ROBO2: variants seen among roughly 807,000 people sequenced by gnomAD.
ROBO2 encodes the protein roundabout guidance receptor 2, also known as roundabout homolog 2.
A neutral mutation model predicts 160.8 loss-of-function variants in ROBO2; 53 were observed. That is an observed-to-expected ratio of 0.33 (90% CI 0.26 to 0.41). The LOEUF (loss-of-function observed/expected upper bound fraction) is 0.41. ROBO2 is among the 10% of genes least tolerant of loss of function. The pLI is 1.00. For synonymous variants in ROBO2, 664 were observed against 611.7 expected, an observed-to-expected ratio of 1.09 and a Z score of -1.26; for missense variants, 1,577 against 1,722.4, an observed-to-expected ratio of 0.92 and a Z score of 1.49.
chr3:76,837,780 G>A (rs139921025), intron 2 of ROBO2, among the ~76,000 whole-genome samples: 42 of 151,920 alleles, frequency 2.8e-4, no homozygotes, highest in Admixed American at 5.9e-4. Context: ...ATGAAATTCA[G>A]GATACGTAAC....
intron 2 of ROBO2, among the ~76,000 whole-genome samples, chr3:77,419,530 C>A (rs1397082905): frequency 6.6e-6 from 1 of 152,058 alleles, no homozygotes; most frequent in Admixed American, 6.6e-5. Flanking sequence ...AATGATAGTG[C>A]AATGACAGAG....
chr3:76,247,444 AT>A (rs1705687991), intron 2 of ROBO2, among the ~76,000 whole-genome samples: 1 of 152,104 alleles, frequency 6.6e-6, no homozygotes, highest in South Asian at 2.1e-4. Flanking sequence ...TATATTCAAA[AT>A]TTTAACATTA....
At chr3:76,273,260 C>T (rs2107642144) in intron 2 of ROBO2, among the ~76,000 whole-genome samples, 1 of 149,090 alleles carries the variant, frequency 6.7e-6, no homozygotes, top group Non-Finnish European at 1.5e-5. Context: ...GTCTGACATT[C>T]CACAGATGTA....
At chr3:76,044,647 T>A (rs2067390273) in intron 2 of ROBO2, among the ~76,000 whole-genome samples, 1 of 151,980 alleles carries the variant, frequency 6.6e-6, no homozygotes, top group Non-Finnish European at 1.5e-5. Flanking sequence ...TGACCAAAAA[T>A]GACAGGTGTT....
intron 2 of ROBO2, among the ~76,000 whole-genome samples, chr3:77,264,303 C>T (rs1203762378): frequency 3.9e-5 from 6 of 152,062 alleles, no homozygotes; most frequent in African/African-American, 7.2e-5. Context: ...TCACTTTTCA[C>T]CTTTGTTGGT....
At chr3:77,291,055 T>C (rs1301987446) in intron 2 of ROBO2, among the ~76,000 whole-genome samples, 1 of 149,706 alleles carries the variant, frequency 6.7e-6, no homozygotes, top group Non-Finnish European at 1.5e-5. Context: ...ACGAGTAAGC[T>C]GAGGCTAGAT....
chr3:77,020,660 A>G (rs1232110672), intron 2 of ROBO2, among the ~76,000 whole-genome samples: 1 of 152,228 alleles, frequency 6.6e-6, no homozygotes, highest in African/African-American at 2.4e-5. Context: ...AATTGCATTT[A>G]CCAGTTTAAT....
rs556679716 is a variant in ROBO2 at position 76,036,175 on chromosome 3, G to C, written c.109+98573G>C. Among the ~76,000 whole-genome samples, 14 of 151,838 alleles carry C rather than the reference G, an allele frequency of 9.2e-5. No homozygotes were observed. In the East Asian group the frequency reaches 9.7e-4, roughly 11 times the overall value. ...TTGGCTCACTTTTTTTTTGAGACCT[G>C]GTCTCACTCTGTCGCCCAGGCTGGA... On this transcript the variant is annotated intron_variant, in intron 2 of 26. Coordinates refer to the ROBO2 transcript ENST00000487694.
intron 2 of ROBO2, among the ~76,000 whole-genome samples, chr3:76,029,205 G>T (rs1281549619): frequency 1.3e-5 from 2 of 151,894 alleles, no homozygotes; most frequent in East Asian, 3.9e-4. Context: ...TTTCAAGCCA[G>T]AAATTAATTA....
At chr3:76,031,366 C>A (rs1022489182) in intron 2 of ROBO2, among the ~76,000 whole-genome samples, 67 of 152,214 alleles carry the variant, frequency 4.4e-4, no homozygotes, top group African/African-American at 1.6e-3. Flanking sequence ...CTTTCTCTTG[C>A]CTGATTGCCC....
intron 2 of ROBO2, among the ~76,000 whole-genome samples, chr3:76,963,120 T>G (rs567302616): frequency 6.7e-6 from 1 of 150,056 alleles, no homozygotes; most frequent in Non-Finnish European, 1.5e-5. Context: ...CTCTGGAAAT[T>G]GGAGTTAAAA....
At chr3:76,124,112 G>C (rs925671632) in intron 2 of ROBO2, among the ~76,000 whole-genome samples, 1 of 51,092 alleles carries the variant, frequency 2.0e-5, no homozygotes, top group Admixed American at 1.4e-4. Flanking sequence ...ATGAATAAGA[G>C]AATCAGAGTG....
chr3:77,116,411 G>A (rs540137802), intron 2 of ROBO2, among the ~76,000 whole-genome samples: 2 of 152,112 alleles, frequency 1.3e-5, no homozygotes, highest in African/African-American at 4.8e-5. Flanking sequence ...GGTATTTCTC[G>A]TTTCAGAAGA....
intron 2 of ROBO2, among the ~76,000 whole-genome samples, chr3:76,165,927 TTCA>T (rs1485306895): frequency 6.6e-6 from 1 of 152,138 alleles, no homozygotes; most frequent in East Asian, 1.9e-4. Context: ...ACACAATTCA[TTCA>T]TCAAGTTTGC....
intron 2 of ROBO2, among the ~76,000 whole-genome samples, chr3:75,996,441 AG>A (rs2065728061): frequency 1.3e-5 from 2 of 152,160 alleles, no homozygotes; most frequent in African/African-American, 2.4e-5. Context: ...TGGCCTCCCC[AG>A]CCATGTGGAA....
intron 2 of ROBO2, among the ~76,000 whole-genome samples, chr3:77,437,286 G>A (rs1172965261): frequency 2.6e-5 from 4 of 151,968 alleles, no homozygotes; most frequent in Admixed American, 1.3e-4. Flanking sequence ...TTTATGATAT[G>A]AGGATATAGT....
intron 2 of ROBO2, among the ~76,000 whole-genome samples, chr3:76,974,287 C>A (rs989414353): frequency 2.0e-5 from 3 of 152,088 alleles, no homozygotes; most frequent in Non-Finnish European, 4.4e-5. Flanking sequence ...TTTTGTTAGC[C>A]TTTTAATCCC....
intron 2 of ROBO2, among the ~76,000 whole-genome samples, chr3:76,427,066 A>T (rs1386235001): frequency 3.3e-5 from 5 of 152,140 alleles, no homozygotes; most frequent in African/African-American, 9.6e-5. Context: ...CTATTAGTCT[A>T]TACTCTCAGC....
chr3:76,406,266 GTAAGTT>G (rs1275584969), intron 2 of ROBO2, among the ~76,000 whole-genome samples: 1 of 151,788 alleles, frequency 6.6e-6, no homozygotes, highest in Non-Finnish European at 1.5e-5. Flanking sequence ...TATTAAGCAA[GTAAGTT>G]TTGTGAAACA....
Sources: allele counts gnomAD v4.1 joint callset (sites outside exome capture counted in the v4.1 genomes callset), GRCh38; gene constraint gnomAD v4.1.1; transcripts MANE v1.5; gene names NCBI Gene and HGNC (gene_info 2026-07-23, HGNC 2026-07-21).